ST6GALNAC3: variants seen among roughly 807,000 people sequenced by gnomAD.
ST6GALNAC3 encodes ST6 N-acetylgalactosaminide alpha-2,6-sialyltransferase 3.
A neutral mutation model predicts 32.7 loss-of-function variants in ST6GALNAC3; 25 were observed. That is an observed-to-expected ratio of 0.76 (90% CI 0.56 to 1.07). The LOEUF (loss-of-function observed/expected upper bound fraction) is 1.07. Among genes scored for constraint, ST6GALNAC3 ranks in the 50% least tolerant of loss-of-function variants. The probability of loss-of-function intolerance (pLI) is 0.00; values close to 1 mark genes in which losing one functional copy is unlikely to be tolerated. For synonymous variants in ST6GALNAC3, 129 were observed against 133.1 expected, an observed-to-expected ratio of 0.97 and a Z score of 0.21; for missense variants, 355 against 382.4, an observed-to-expected ratio of 0.93 and a Z score of 0.60.
At chr1:76,091,890 C>A (rs1475189257) in intron 1 of ST6GALNAC3, among the ~76,000 whole-genome samples, 1 of 152,138 alleles carries the variant, frequency 6.6e-6, no homozygotes, top group African/African-American at 2.4e-5. Flanking sequence ...TATCATTGAG[C>A]CATTCATGAC....
intron 1 of ST6GALNAC3, among the ~76,000 whole-genome samples, chr1:76,149,191 G>A (rs1331728633): frequency 6.6e-6 from 1 of 152,128 alleles, no homozygotes; most frequent in Non-Finnish European, 1.5e-5. Flanking sequence ...TAATCTTTTT[G>A]TGCCTGCTGC....
intron 1 of ST6GALNAC3, among the ~76,000 whole-genome samples, chr1:76,215,385 G>T (rs1320817498): frequency 2.0e-5 from 3 of 152,168 alleles, no homozygotes; most frequent in African/African-American, 4.8e-5. Context: ...GGTATGCAGA[G>T]TAGCACATCA....
chr1:76,496,821 T>C (rs1660877632), intron 3 of ST6GALNAC3, among the ~76,000 whole-genome samples: 2 of 152,180 alleles, frequency 1.3e-5, no homozygotes, highest in South Asian at 4.1e-4. Context: ...TATTTCCATA[T>C]TCTTATCTGT....
intron 1 of ST6GALNAC3, among the ~76,000 whole-genome samples, chr1:76,273,790 A>G (rs1056878332): frequency 6.6e-6 from 1 of 152,208 alleles, no homozygotes; most frequent in African/African-American, 2.4e-5. Flanking sequence ...TAGCAATCTA[A>G]ATATCCGCTC....
chr1:76,423,420 G>A (rs988313914), intron 3 of ST6GALNAC3, among the ~76,000 whole-genome samples: 2 of 151,786 alleles, frequency 1.3e-5, no homozygotes, highest in African/African-American at 4.8e-5. Context: ...TTCATTTATT[G>A]TATGCTTTTT....
chr1:76,076,152 G>A (rs1646813824), intron 1 of ST6GALNAC3, among the ~76,000 whole-genome samples: 3 of 152,156 alleles, frequency 2.0e-5, no homozygotes, highest in African/African-American at 7.2e-5. Flanking sequence ...TGACCGGGAG[G>A]CTCTTAGCAC....
At chr1:76,458,738 G>T in intron 3 of ST6GALNAC3, among the ~76,000 whole-genome samples, 1 of 124,636 alleles carries the variant, frequency 8.0e-6, no homozygotes. Context: ...ACTGTTGTGG[G>T]GTGGGGGGAG....
intron 1 of ST6GALNAC3, among the ~76,000 whole-genome samples, chr1:76,300,507 T>A (rs1025888136): frequency 2.6e-5 from 4 of 152,032 alleles, no homozygotes; most frequent in Non-Finnish European, 4.4e-5. Flanking sequence ...AGGTTAATAA[T>A]CTGACTTGTG....
intron 1 of ST6GALNAC3, among the ~76,000 whole-genome samples, chr1:76,088,157 CACATAGTGGTTAAAGTT>C (rs370562068): frequency 0.016 from 2,371 of 152,252 alleles, 46 homozygotes; most frequent in Admixed American, 0.071. Flanking sequence ...GAAACTGAGG[CACATAGTGGTTAAAGTT>C]ACAAAACTAT....
At position 76,412,270 on chromosome 1, in the gene ST6GALNAC3, G is replaced by T. The variant is rs373383533; in HGVS notation, c.476G>T (p.Arg159Leu). 3.7e-6 allele frequency: 6 copies of T among 1,613,356 alleles called. No individual in the cohort carries two copies. Among genetic ancestry groups the T allele is most frequent in the Non-Finnish European group, 5.1e-6 (6 of 1,179,754 alleles). ...ATTTATGTTATTTGGGGACCTTTCC[G>T]CAATATGAGGAAAGATGGCAATGGC... ...TTIYVIWGPF[R>L]NMRKDGNGIV... is the part of the protein sequence containing the mutation. Residue 159 changes from arginine (R) to leucine (L), a missense_variant, in exon 3 of 5, where the codon CGC (arginine) becomes CTC (leucine). By Grantham distance (102) the Arg-to-Leu change is moderately radical. Coordinates refer to ENST00000328299, the MANE Select transcript of ST6GALNAC3 (RefSeq NM_152996.4).
chr1:76,395,535 A>C (rs1001513915), intron 2 of ST6GALNAC3, among the ~76,000 whole-genome samples: 1 of 152,120 alleles, frequency 6.6e-6, no homozygotes, highest in Non-Finnish European at 1.5e-5. Context: ...ACATGGATTC[A>C]ATCTAAGTGT....
chr1:76,131,660 A>G (rs1649619517), intron 1 of ST6GALNAC3, among the ~76,000 whole-genome samples: 1 of 152,120 alleles, frequency 6.6e-6, no homozygotes, highest in African/African-American at 2.4e-5. Context: ...TGTGTTGGTG[A>G]CCTTTTTGAC....
chr1:76,414,565 A>G (rs1044842914), intron 3 of ST6GALNAC3, among the ~76,000 whole-genome samples: 6 of 152,124 alleles, frequency 3.9e-5, no homozygotes, highest in African/African-American at 1.2e-4. Flanking sequence ...TCAAACTAGA[A>G]TATATTTTTC....
chr1:76,513,328 A>G (rs1455031057), intron 3 of ST6GALNAC3, among the ~76,000 whole-genome samples: 1 of 152,194 alleles, frequency 6.6e-6, no homozygotes, highest in African/African-American at 2.4e-5. Flanking sequence ...GTAAGGGTCT[A>G]GACTCATTCT....
intron 1 of ST6GALNAC3, among the ~76,000 whole-genome samples, chr1:76,278,741 G>A (rs1048967468): frequency 6.6e-6 from 1 of 152,058 alleles, no homozygotes; most frequent in Admixed American, 6.5e-5. Context: ...TCACCACAAC[G>A]TTCGAAGTTA....
At chr1:76,386,946 TA>T (rs555306693) in intron 2 of ST6GALNAC3, among the ~76,000 whole-genome samples, 48 of 152,294 alleles carry the variant, frequency 3.2e-4, no homozygotes, top group Admixed American at 3.0e-3. Flanking sequence ...CATCCTCACT[TA>T]CCCATACTGG....
At chr1:76,491,975 A>C (rs1010971038) in intron 3 of ST6GALNAC3, among the ~76,000 whole-genome samples, 1 of 152,214 alleles carries the variant, frequency 6.6e-6, no homozygotes, top group East Asian at 1.9e-4. Flanking sequence ...CTGAGTGTTC[A>C]GCCAAAATTT....
At chr1:76,315,891 C>T (rs3904686) in intron 2 of ST6GALNAC3, among the ~76,000 whole-genome samples, 13,702 of 152,078 alleles carry the variant, frequency 0.09, 714 homozygotes, top group Middle Eastern at 0.16. Context: ...TCCAGTATGG[C>T]ATAAAGTGTT....
At chr1:76,626,044 A>G (rs1193778303) in intron 3 of ST6GALNAC3, among the ~76,000 whole-genome samples, 1 of 151,902 alleles carries the variant, frequency 6.6e-6, no homozygotes, top group Non-Finnish European at 1.5e-5. Flanking sequence ...TTTTCCTGAA[A>G]TGCTGGCACA....
Sources: allele counts gnomAD v4.1 joint callset (sites outside exome capture counted in the v4.1 genomes callset), GRCh38; gene constraint gnomAD v4.1.1; transcripts MANE v1.5; gene names NCBI Gene and HGNC (gene_info 2026-07-23, HGNC 2026-07-21).